The following NMRK2 variants were observed in gnomAD, a reference collection of about 807,000 sequenced individuals.
NMRK2 encodes nicotinamide riboside kinase 2.
In NMRK2, 34 loss-of-function variants were observed where a neutral mutation model predicts 24.7. That is an observed-to-expected ratio of 1.37 (90% CI 1.05 to 1.83). The LOEUF (loss-of-function observed/expected upper bound fraction) is 1.83, where lower values mean the gene tolerates loss of function less well. Ranked by LOEUF, NMRK2 falls within the 40% of genes most tolerant of loss-of-function variation. The probability of loss-of-function intolerance (pLI) is 0.00; values close to 1 mark genes in which losing one functional copy is unlikely to be tolerated. For missense variants in NMRK2, 341 were observed against 315.0 expected (o/e 1.08, Z -0.62); for synonymous variants, 145 against 125.6 (o/e 1.15, Z -1.03).
intron 5 of NMRK2, 109 bp from the exon 6 acceptor site, chr19:3,939,791 C>T (rs1356572271): frequency 2.2e-6 from 2 of 910,834 alleles, no homozygotes; most frequent in Admixed American, 4.1e-5. Flanking sequence ...GCCCAGACCA[C>T]CCCATGTGCT....
chr19:3,934,329 G>C (rs1369045310), intron 2 of NMRK2, among the ~76,000 whole-genome samples: 1 of 152,166 alleles, frequency 6.6e-6, no homozygotes, highest in South Asian at 2.1e-4. Context: ...TGGCTAAATC[G>C]GGGACTGACA....
chr19:3,933,559 A>G lies in NMRK2; in HGVS notation c.-113A>G, dbSNP rs1185567157. 7.9e-6 allele frequency: 10 copies of G among 1,267,726 alleles called. No homozygotes were observed. Among genetic ancestry groups the G allele is most frequent in the Non-Finnish European group, 1.1e-5 (10 of 929,060 alleles). 78.5% of individuals were successfully genotyped at this position (1,267,726 alleles called of 1,614,324 possible). A position where few individuals can be genotyped will look rare whatever the true frequency, so the allele number is the denominator to read the frequency against. Reference sequence around the variant, plus strand: ...GGCGGCCTCCAGGCTGCCGAGACCTATAAAGGCGCCAGGTTTTCTCAATGA... The same window carrying G: ...GGCGGCCTCCAGGCTGCCGAGACCTGTAAAGGCGCCAGGTTTTCTCAATGA... On this transcript the variant is annotated 5_prime_UTR_variant, in exon 2 of 8. Transcript: ENST00000168977.
intron 6 of NMRK2, 147 bp from the exon 7 acceptor site, chr19:3,940,924 A>T (rs1407148093): frequency 2.2e-5 from 12 of 553,696 alleles, no homozygotes; most frequent in Non-Finnish European, 3.6e-5. Context: ...CGGAGGTTGG[A>T]GCCTCTAGCC....
At position 3,933,622 on chromosome 19, in the gene NMRK2, C is replaced by T. The variant is rs1011750438; in HGVS notation, c.-50C>T. The stretch of plus-strand genomic sequence containing the variant: ...CTCCGGAGCGCACTGCGTGGTCGCA[C>T]CCTACCCGGGCTGCCTTGGAAGTCG... On this transcript the variant is annotated 5_prime_UTR_variant, in exon 2 of 8. Transcript: ENST00000168977. 4 of 1,516,674 alleles carry T rather than the reference C, an allele frequency of 2.6e-6. No individual in the cohort carries two copies. The highest frequency in any genetic ancestry group is 2.4e-5 in the South Asian group (2 of 82,954). The allele number at this position is 1,516,674 out of a possible 1,614,324, so 94.0% of individuals were successfully genotyped here.
rs1252260488 is a variant in NMRK2 at position 3,942,342 on chromosome 19, C to T, written c.*69C>T. On this transcript the variant is annotated 3_prime_UTR_variant, in exon 8 of 8. Transcript: ENST00000168977. ...CCACTCCCAGTTGGGCGTCCCGGAG[C>T]TCAGGGACTGAGCCCCAAGACGCCT... is the stretch of plus-strand genomic sequence containing the variant. 4.2e-6 allele frequency: 6 copies of T among 1,443,912 alleles called. No individual in the cohort carries two copies. In the Admixed American group the frequency reaches 1.3e-4, roughly 31 times the overall value. The allele number at this position is 1,443,912 out of a possible 1,614,324, so 89.4% of individuals were successfully genotyped here.
intron 7 of NMRK2, among the ~76,000 whole-genome samples, chr19:3,941,629 C>G (rs113038135): frequency 6.6e-6 from 1 of 150,786 alleles, no homozygotes; most frequent in African/African-American, 2.4e-5. Flanking sequence ...GCCTCGCCCC[C>G]AGTCCCTCTT....
chr19:3,941,976 A>G, intron 7 of NMRK2, 107 bp from the exon 8 acceptor site: 4 of 872,924 alleles, frequency 4.6e-6, no homozygotes, highest in Non-Finnish European at 7.2e-6. Context: ...TGACTCCAGC[A>G]GCCCGACTCT....
At chr19:3,941,210 G>T (rs79219472) in intron 7 of NMRK2, 33 bp downstream of exon 7, 3 of 1,212,940 alleles carry the variant, frequency 2.5e-6, no homozygotes, top group South Asian at 2.5e-5. Flanking sequence ...GCCTTGCCCC[G>T]GGCGGGCGGG....
intron 2 of NMRK2, among the ~76,000 whole-genome samples, chr19:3,935,025 TG>T (rs2039190620): frequency 6.6e-6 from 1 of 152,048 alleles, no homozygotes; most frequent in African/African-American, 2.4e-5. Context: ...TATTAATACC[TG>T]GGGGCTTACA....
intron 2 of NMRK2, among the ~76,000 whole-genome samples, chr19:3,936,079 C>T (rs761679268): frequency 3.9e-5 from 6 of 152,116 alleles, no homozygotes; most frequent in African/African-American, 9.6e-5. Flanking sequence ...GGTGTGGTGG[C>T]GCACGCCTGT....
chr19:3,934,669 C>T (rs2039183068), intron 2 of NMRK2, among the ~76,000 whole-genome samples: 1 of 151,164 alleles, frequency 6.6e-6, no homozygotes, highest in East Asian at 1.9e-4. Flanking sequence ...GCAAGCTCCG[C>T]CTCCCGGGTT....
intron 3 of NMRK2, 125 bp from the exon 4 acceptor site, chr19:3,937,115 G>A: frequency 2.3e-6 from 2 of 862,772 alleles, no homozygotes; most frequent in Non-Finnish European, 1.9e-6. Flanking sequence ...TGAGGGTCAG[G>A]CAGAGCCCCC....
intron 7 of NMRK2, 110 bp from the exon 8 acceptor site, chr19:3,941,973 A>T (rs1426804716): frequency 1.2e-6 from 1 of 856,092 alleles, no homozygotes. Flanking sequence ...AACTGACTCC[A>T]GCAGCCCGAC....
rs762933145 is a variant in NMRK2 at position 3,938,695 on chromosome 19, G to A, written c.259G>A (p.Val87Ile). Residue 87 changes from valine (V) to isoleucine (I), a missense_variant, in exon 5 of 8, where the codon GTC (valine) becomes ATC (isoleucine). Val to Ile is a conservative substitution (Grantham distance 29). Coordinates refer to ENST00000168977, the MANE Select transcript of NMRK2 (RefSeq NM_170678.3). The part of the protein sequence containing the change: ...QKFARAHGVS[V>I]QPEASDTHIL... ...GTTTGCCCGTGCCCACGGGGTCAGC[G>A]TCCAGCCAGAGGCCTCGGACACCCA... 50 of 1,612,676 alleles carry A rather than the reference G, an allele frequency of 3.1e-5. No homozygotes were observed. The highest frequency in any genetic ancestry group is 6.7e-5 in the East Asian group (3 of 44,790).
At chr19:3,939,644 A>G (rs1008660694) in intron 5 of NMRK2, among the ~76,000 whole-genome samples, 5 of 152,102 alleles carry the variant, frequency 3.3e-5, no homozygotes, top group African/African-American at 1.2e-4. Context: ...CTCTGGCTTC[A>G]CTGTGTGGCC....
intron 7 of NMRK2, among the ~76,000 whole-genome samples, chr19:3,941,790 G>A (rs2039337516): frequency 6.6e-6 from 1 of 151,838 alleles, no homozygotes; most frequent in Admixed American, 6.6e-5. Context: ...TTACAGGCGC[G>A]CGTCACCACA....
chr19:3,938,420 T>A (rs1414866426), intron 4 of NMRK2, among the ~76,000 whole-genome samples, 183 bp from the exon 5 acceptor site: 7 of 120,178 alleles, frequency 5.8e-5, no homozygotes, highest in Admixed American at 8.4e-5. Flanking sequence ...CCGTCCACTG[T>A]TCCCCCGGGG....
rs773142489 is a variant in NMRK2, at chr19:3,937,306, C to T, written c.166+18C>T. On this transcript the variant is annotated intron_variant, in intron 4 of 7. Transcript: ENST00000168977. ...GTGGGACGGTAAGGACAAGCATCAC[C>T]TCCAAGCCCCACTATCCCCCGGGGT... is the stretch of plus-strand genomic sequence containing the variant. The T allele has an allele frequency of 4.3e-6, 7 of 1,611,478 alleles. No individual in the cohort carries two copies. In the East Asian group the frequency reaches 1.1e-4, roughly 26 times the overall value.
At position 3,937,229 on chromosome 19, in the gene NMRK2, C is replaced by G; in HGVS notation, c.118-11C>G. Reference sequence around the variant, plus strand: ...GGCACTGAGCCCGAGGTTCAGGCTCCTCTGTTTCAGCCCCAAGACCAAATA... The same window carrying G: ...GGCACTGAGCCCGAGGTTCAGGCTCGTCTGTTTCAGCCCCAAGACCAAATA... On this transcript the variant is annotated splice_polypyrimidine_tract_variant and intron_variant, in intron 3 of 7. Transcript: ENST00000168977. 4 of 1,613,054 alleles carry G rather than the reference C, an allele frequency of 2.5e-6. No individual in the cohort carries two copies. The highest frequency in any genetic ancestry group is 2.5e-6 in the Non-Finnish European group (3 of 1,179,428).
Sources: gnomAD v4.1 joint callset for allele counts (sites outside exome capture counted in the v4.1 genomes callset) on GRCh38, gnomAD v4.1.1 for gene constraint, MANE v1.5 for transcripts, NCBI Gene and HGNC (gene_info 2026-07-23, HGNC 2026-07-21) for gene names.